Variants in ZNF185 observed in about 807,000 individuals in gnomAD.
ZNF185 encodes the protein zinc finger protein 185.
A neutral mutation model predicts 58.6 loss-of-function variants in ZNF185; 56 were observed. That is an observed-to-expected ratio of 0.95 (90% confidence interval 0.77 to 1.19). The LOEUF is 1.19. Ranked by LOEUF, ZNF185 falls within the 50% of genes most tolerant of loss-of-function variation. The probability of loss-of-function intolerance (pLI) is 0.00; values close to 1 mark genes in which losing one functional copy is unlikely to be tolerated. For missense variants in ZNF185, 627 were observed against 573.5 expected (o/e 1.09, Z -0.95); for synonymous variants, 230 against 215.9 (o/e 1.07, Z -0.57).
At chrX:152,925,053 G>A (rs1403985289) in intron 11 of ZNF185, among the ~76,000 whole-genome samples, 1 of 112,649 alleles carries the variant, frequency 8.9e-6, no homozygotes, top group African/African-American at 3.2e-5. Flanking sequence ...AGCACTTTGG[G>A]AGGCCAAGGC....
exon 22 of ZNF185, chrX:152,970,502 C>T: frequency 9.9e-6 from 12 of 1,210,741 alleles, no homozygotes; most frequent in Non-Finnish European, 1.3e-5. Flanking sequence ...TTCACCGTGA[C>T]ACCATTCACT....
intron 16 of ZNF185, among the ~76,000 whole-genome samples, chrX:152,956,073 A>G (rs1463398772): frequency 9.0e-6 from 1 of 111,368 alleles, no homozygotes; most frequent in East Asian, 2.8e-4. Flanking sequence ...CATACATTTC[A>G]ATCAGTTTTG....
chrX:152,909,478 C>T (rs1290853309), upstream of ZNF185, among the ~76,000 whole-genome samples: 4 of 111,908 alleles, frequency 3.6e-5, no homozygotes, highest in African/African-American at 9.8e-5. Flanking sequence ...GGCGGGATTG[C>T]GTGGGGTGGG....
intron 15 of ZNF185, among the ~76,000 whole-genome samples, chrX:152,943,455 T>C (rs1391420427): frequency 8.9e-6 from 1 of 112,252 alleles, no homozygotes; most frequent in Non-Finnish European, 1.9e-5. Flanking sequence ...TTGGTCACCA[T>C]CCCCTATGTT....
intron 16 of ZNF185, among the ~76,000 whole-genome samples, chrX:152,946,724 G>A (rs2047823460): frequency 8.9e-6 from 1 of 112,092 alleles, no homozygotes; most frequent in African/African-American, 3.2e-5. Context: ...TGTGCCAGAC[G>A]TGCTTGGGAA....
intron 12 of ZNF185, among the ~76,000 whole-genome samples, chrX:152,931,102 G>A (rs1556876851): frequency 8.9e-6 from 1 of 111,816 alleles, no homozygotes; most frequent in Non-Finnish European, 1.9e-5. Context: ...ATAAAGTCAC[G>A]AGAACAGGCT....
At chrX:152,909,699 C>T (rs1279070399), upstream of ZNF185, among the ~76,000 whole-genome samples, 5 of 112,354 alleles carry the variant, frequency 4.5e-5, no homozygotes, top group South Asian at 7.3e-4. Flanking sequence ...TGGGAAAAGA[C>T]GAAGGAGGCC....
At position 152,967,044 on chromosome X, in the gene ZNF185, A is replaced by G. The variant is rs2050185932; in HGVS notation, c.1800-123A>G. The G allele has an allele frequency of 9.3e-6, 6 of 648,173 alleles. No individual in the cohort carries two copies. The South Asian group carries it at 1.7e-4, about 18-fold the overall frequency. 53.4% of individuals were successfully genotyped at this position (648,173 alleles called of 1,213,427 possible). Reference sequence around the variant, plus strand: ...TAGAAGGGCCCTGTGGCACCAAGTCATGAATGACGACTGGCATCGTAGTTA... The same window carrying G: ...TAGAAGGGCCCTGTGGCACCAAGTCGTGAATGACGACTGGCATCGTAGTTA... On this transcript the variant is annotated intron_variant, in intron 19 of 22. Coordinates refer to ENST00000449285, the Ensembl canonical transcript of ZNF185.
intron 17 of ZNF185, among the ~76,000 whole-genome samples, chrX:152,960,562 C>G (rs782582414): frequency 7.1e-5 from 8 of 112,493 alleles, no homozygotes; most frequent in Non-Finnish European, 1.5e-4. Context: ...CTTTGTAGAT[C>G]AGTGTGGATC....
intron 16 of ZNF185, among the ~76,000 whole-genome samples, chrX:152,958,440 A>T (rs1446909137): frequency 9.0e-6 from 1 of 110,966 alleles, no homozygotes; most frequent in Non-Finnish European, 1.9e-5. Flanking sequence ...TTGGACCCTT[A>T]TGTCAACTTT....
intron 14 of ZNF185, among the ~76,000 whole-genome samples, chrX:152,937,134 G>T (rs1556882579): frequency 1.8e-5 from 2 of 111,865 alleles, no homozygotes; most frequent in Non-Finnish European, 1.9e-5. Context: ...CCCTACAGAG[G>T]TGTAGGTCAG....
chrX:152,905,399 G>A, the ZNF185 span, among the ~76,000 whole-genome samples: 1 of 111,859 alleles, frequency 8.9e-6, no homozygotes, highest in African/African-American at 3.3e-5. Context: ...CCTTCTCCTG[G>A]TCACCCAGAC....
At chrX:152,958,746 G>C (rs1270129295) in intron 16 of ZNF185, among the ~76,000 whole-genome samples, 2 of 111,136 alleles carry the variant, frequency 1.8e-5, no homozygotes, top group Non-Finnish European at 3.8e-5. Flanking sequence ...AAAAAAAAAG[G>C]GGGGCAGGGG....
the ZNF185 span, among the ~76,000 whole-genome samples, chrX:152,901,092 C>T: frequency 0.047 from 5,245 of 111,819 alleles, 129 homozygotes; most frequent in Non-Finnish European, 0.074. Flanking sequence ...ATGTGGGCCC[C>T]TACCTGAGGA....
chrX:152,901,358 T>A, the ZNF185 span, among the ~76,000 whole-genome samples: 2 of 108,959 alleles, frequency 1.8e-5, no homozygotes, highest in East Asian at 5.7e-4. Flanking sequence ...GCTCAAGCGA[T>A]CCTCGTGCCT....
intron 14 of ZNF185, 67 bp from the exon 16 acceptor site, chrX:152,936,351 C>G: frequency 1.0e-6 from 1 of 978,016 alleles, no homozygotes; most frequent in Non-Finnish European, 1.4e-6. Flanking sequence ...GATCCACTTT[C>G]TCGGGAGAGG....
chrX:152,967,111 T>G, intron 19 of ZNF185, 56 bp from the exon 22 acceptor site: 5 of 1,079,518 alleles, frequency 4.6e-6, no homozygotes, highest in Non-Finnish European at 6.4e-6. Flanking sequence ...AAATTAACTA[T>G]GATAGTGATT....
intron 16 of ZNF185, among the ~76,000 whole-genome samples, chrX:152,955,685 C>T (rs1175278434): frequency 1.8e-5 from 2 of 111,755 alleles, no homozygotes; most frequent in Admixed American, 9.5e-5. Flanking sequence ...GGGCAGATCA[C>T]GAGCTCAGGA....
intron 3 of ZNF185, among the ~76,000 whole-genome samples, chrX:152,915,406 A>C (rs190770784): frequency 8.9e-6 from 1 of 112,823 alleles, no homozygotes; most frequent in Admixed American, 9.3e-5. Flanking sequence ...GGAGTGTAGG[A>C]GTCACTTGGT....
Sources: allele counts gnomAD v4.1 joint callset (sites outside exome capture counted in the v4.1 genomes callset), GRCh38; gene constraint gnomAD v4.1.1; transcripts MANE v1.5; gene names NCBI Gene and HGNC (gene_info 2026-07-23, HGNC 2026-07-21).